The following ST8SIA4 variants were observed in gnomAD, a reference collection of about 807,000 sequenced individuals.
The protein encoded by ST8SIA4 is ST8 alpha-N-acetyl-neuraminide alpha-2,8-sialyltransferase 4, also known as CMP-N-acetylneuraminate-poly-alpha-2,8-sialyltransferase.
In ST8SIA4, 15 loss-of-function variants were observed where a neutral mutation model predicts 33.9. That is an observed-to-expected ratio of 0.44 (90% CI 0.30 to 0.68). ST8SIA4 has a LOEUF of 0.68. Among genes scored for constraint, ST8SIA4 ranks in the 30% least tolerant of loss-of-function variants. The pLI is 0.10. For synonymous variants in ST8SIA4, 171 were observed against 151.2 expected (o/e 1.13, Z -0.96); for missense variants, 321 against 428.0 (o/e 0.75, Z 2.21).
intron 2 of ST8SIA4, among the ~76,000 whole-genome samples, chr5:100,887,916 T>C (rs1752574624): frequency 6.6e-6 from 1 of 152,014 alleles, no homozygotes. Context: ...AGTCTATTGA[T>C]TGGGACCTTT....
At chr5:100,902,797 A>C in intron 1 of ST8SIA4, 46 bp downstream of exon 1, 1 of 1,492,792 alleles carries the variant, frequency 6.7e-7, no homozygotes, top group African/African-American at 1.4e-5. Context: ...CATTTCATTT[A>C]TGGCTTGACT....
chr5:100,841,770 C>T (rs897323239), intron 4 of ST8SIA4, among the ~76,000 whole-genome samples: 7 of 151,880 alleles, frequency 4.6e-5, no homozygotes, highest in Non-Finnish European at 8.8e-5. Flanking sequence ...ATACTTTTAG[C>T]TGATCTTTAA....
In ST8SIA4 at chr5:100,900,991, A is replaced by G. The variant is rs370696597; in HGVS notation, c.113+1852T>C. On this transcript the variant is annotated intron_variant, in intron 1 of 4. Transcript: ENST00000231461. ...AGGAAACTGCTTCAGCTTGAAAAGG[A>G]TGCGGGCAAAAGCCCAGCCCGACTA... is the stretch of plus-strand genomic sequence containing the variant. Among the ~76,000 whole-genome samples, 3 of 152,178 alleles carry G rather than the reference A, an allele frequency of 2.0e-5. No homozygotes were observed. In the South Asian group the frequency reaches 6.2e-4, roughly 31 times the overall value.
intron 4 of ST8SIA4, among the ~76,000 whole-genome samples, chr5:100,816,319 G>A (rs181645498): frequency 7.3e-4 from 111 of 152,146 alleles, no homozygotes; most frequent in African/African-American, 2.6e-3. Context: ...ATAATCACCC[G>A]ATGAGTCAAA....
chr5:100,873,848 G>T (rs1482998772), intron 3 of ST8SIA4, among the ~76,000 whole-genome samples: 2 of 152,108 alleles, frequency 1.3e-5, no homozygotes, highest in Non-Finnish European at 2.9e-5. Flanking sequence ...CCACTGTTGT[G>T]AAATTATTGA....
intron 4 of ST8SIA4, among the ~76,000 whole-genome samples, chr5:100,824,727 T>C (rs1202877174): frequency 1.3e-5 from 2 of 152,068 alleles, no homozygotes; most frequent in Non-Finnish European, 2.9e-5. Flanking sequence ...ATACACCTAA[T>C]GAGTTCCTCC....
In ST8SIA4 at chr5:100,811,934, G is replaced by C; in HGVS notation, c.993C>G (p.His331Gln). The change falls in exon 5 of 5, where the codon CAC becomes CAG. Residue 331 changes from histidine to glutamine, a missense_variant. Transcript: ENST00000231461. ...ATGTTTTGAATTCTAATGGCATTCTGTGAGGGCTTGCATTGGAAAAGTACC... is the reference window on the plus strand; with the variant it reads ...ATGTTTTGAATTCTAATGGCATTCTCTGAGGGCTTGCATTGGAAAAGTACC... ...KYRYFSNASP[H>Q]RMPLEFKTLN... 6.2e-7 allele frequency: 1 copy of C among 1,614,070 alleles called. No homozygotes were observed. Among genetic ancestry groups the C allele is most frequent in the Non-Finnish European group, 8.5e-7 (1 of 1,179,944 alleles).
chr5:100,839,436 T>C (rs1444383621), intron 4 of ST8SIA4, among the ~76,000 whole-genome samples: 1 of 152,034 alleles, frequency 6.6e-6, no homozygotes. Flanking sequence ...ATAGAATTTA[T>C]GTTCTCTTTG....
chr5:100,885,827 T>A, intron 3 of ST8SIA4: 1 of 877,660 alleles, frequency 1.1e-6, no homozygotes, highest in Non-Finnish European at 1.4e-6. Context: ...TATACTAACA[T>A]ACACAAATAC....
chr5:100,887,471 C>T (rs1478657558), intron 2 of ST8SIA4, among the ~76,000 whole-genome samples: 2 of 152,030 alleles, frequency 1.3e-5, no homozygotes, highest in South Asian at 4.1e-4. Flanking sequence ...AAATTTCCTA[C>T]TTGTTTGGCC....
chr5:100,854,629 T>A (rs146995719), intron 4 of ST8SIA4, among the ~76,000 whole-genome samples: 2 of 152,078 alleles, frequency 1.3e-5, no homozygotes, highest in East Asian at 3.9e-4. Flanking sequence ...AAAAAAAGAA[T>A]GTAATTTAAT....
chr5:100,872,191 A>G (rs1377810254), intron 3 of ST8SIA4, among the ~76,000 whole-genome samples: 1 of 152,014 alleles, frequency 6.6e-6, no homozygotes, highest in Non-Finnish European at 1.5e-5. Flanking sequence ...AAAAAATCTT[A>G]TTCACTCTTT....
chr5:100,873,338 G>A (rs7706672), intron 3 of ST8SIA4, among the ~76,000 whole-genome samples: 1 of 151,882 alleles, frequency 6.6e-6, no homozygotes, highest in African/African-American at 2.4e-5. Flanking sequence ...TAGAATGGAG[G>A]AAAGGTAAGT....
chr5:100,821,723 T>G (rs907471727), intron 4 of ST8SIA4, among the ~76,000 whole-genome samples: 2 of 152,160 alleles, frequency 1.3e-5, no homozygotes, highest in East Asian at 1.9e-4. Flanking sequence ...TCCCAGCAAA[T>G]GAATAGAATT....
At chr5:100,822,008 G>A (rs1400686004) in intron 4 of ST8SIA4, among the ~76,000 whole-genome samples, 1 of 152,190 alleles carries the variant, frequency 6.6e-6, no homozygotes, top group Non-Finnish European at 1.5e-5. Flanking sequence ...ACAATGACAA[G>A]GTGGCAGGCT....
At chr5:100,835,885 A>T (rs1751353905) in intron 4 of ST8SIA4, among the ~76,000 whole-genome samples, 1 of 152,166 alleles carries the variant, frequency 6.6e-6, no homozygotes, top group Non-Finnish European at 1.5e-5. Context: ...AGATAAACTC[A>T]GATATTTTTA....
chr5:100,820,948 C>T (rs1283578225), intron 4 of ST8SIA4, among the ~76,000 whole-genome samples: 4 of 152,020 alleles, frequency 2.6e-5, no homozygotes, highest in African/African-American at 9.6e-5. Flanking sequence ...TTCTTTTAAT[C>T]CATTACTATT....
intron 2 of ST8SIA4, among the ~76,000 whole-genome samples, chr5:100,888,933 C>T (rs1752599826): frequency 6.6e-6 from 1 of 151,834 alleles, no homozygotes; most frequent in South Asian, 2.1e-4. Flanking sequence ...ATATCAGGTT[C>T]AAAACCAGTA....
At chr5:100,902,691 A>C (rs1752947489) in intron 1 of ST8SIA4, 152 bp downstream of exon 1, 3 of 717,442 alleles carry the variant, frequency 4.2e-6, no homozygotes, top group Admixed American at 2.1e-5. Flanking sequence ...GCACATCTCA[A>C]CAACAGCCTT....
Sources: gnomAD v4.1 joint callset for allele counts (sites outside exome capture counted in the v4.1 genomes callset) on GRCh38, gnomAD v4.1.1 for gene constraint, MANE v1.5 for transcripts, NCBI Gene and HGNC (gene_info 2026-07-23, HGNC 2026-07-21) for gene names.